Variants in GDE1 observed in about 807,000 individuals in gnomAD.
The protein encoded by GDE1 is glycerophosphodiester phosphodiesterase 1.
GDE1 carries 24 observed loss-of-function variants against 32.2 expected under a neutral mutation model. The ratio of observed to expected loss-of-function variants is 0.75; its 90% CI spans 0.54 to 1.05. The LOEUF (loss-of-function observed/expected upper bound fraction) is 1.05. Ranked by LOEUF, GDE1 falls within the 50% of genes least tolerant of loss-of-function variation. GDE1 has a pLI of 0.00. For missense variants in GDE1, 380 were observed against 415.0 expected, an observed-to-expected ratio of 0.92 and a Z score of 0.73; for synonymous variants, 159 against 158.6, an observed-to-expected ratio of 1.00 and a Z score of -0.02.
rs545477223 is a variant in GDE1, at chr16:19,517,522, A to T, written c.262-333T>A. Among the ~76,000 whole-genome samples, 8 of 152,354 alleles carry T rather than the reference A, an allele frequency of 5.3e-5. No individual in the cohort carries two copies. The East Asian group carries it at 1.5e-3, about 29-fold the overall frequency. ...GGCTTATGAATACTTAGACAATTCC[A>T]CTGTTTACCTACACTATTTGTTGGT... On this transcript the variant is annotated intron_variant, in intron 1 of 5. Coordinates refer to ENST00000353258, the MANE Select transcript of GDE1 (RefSeq NM_016641.4).
At chr16:19,514,894 C>T (rs11860735) in intron 2 of GDE1, among the ~76,000 whole-genome samples, 20,693 of 151,768 alleles carry the variant, frequency 0.14, 2,000 homozygotes, top group East Asian at 0.39. Context: ...TGGCGAAACC[C>T]CGTTTCTACT....
At chr16:19,509,188 G>C (rs1042479684) in intron 3 of GDE1, among the ~76,000 whole-genome samples, 5 of 152,162 alleles carry the variant, frequency 3.3e-5, no homozygotes. Context: ...TCTAATCTCA[G>C]CTGCTTGGGA....
At chr16:19,511,356 G>A (rs1321449706) in intron 2 of GDE1, among the ~76,000 whole-genome samples, 1 of 151,990 alleles carries the variant, frequency 6.6e-6, no homozygotes, top group African/African-American at 2.4e-5. Context: ...TACCTGCCTT[G>A]GCCTCCCAAA....
At chr16:19,519,493 G>T (rs1390230534) in intron 1 of GDE1, among the ~76,000 whole-genome samples, 3 of 149,940 alleles carry the variant, frequency 2.0e-5, no homozygotes, top group Non-Finnish European at 4.4e-5. Flanking sequence ...ATACTTAATA[G>T]ATTACAATAT....
In GDE1 at chr16:19,505,041, T is replaced by C. The variant is rs1315413218; in HGVS notation, c.688A>G (p.Ser230Gly). Residue 230 changes from serine to glycine, a missense_variant, in exon 5 of 6, where the codon AGC (serine) becomes GGC (glycine). Ser to Gly is a moderately conservative substitution (Grantham distance 56). Coordinates refer to ENST00000353258, the MANE Select transcript of GDE1 (RefSeq NM_016641.4). ...VITALTHRPW[S>G]LSHTGDGKPR... ...TTCCCATCTCCTGTATGGCTTAGGC[T>C]CCAAGGTCTGTGAGTTAATGCTGTT... 6 of 1,613,388 alleles carry C rather than the reference T, an allele frequency of 3.7e-6. No individual in the cohort carries two copies. Among genetic ancestry groups the C allele is most frequent in the Non-Finnish European group, 5.1e-6 (6 of 1,179,278 alleles).
intron 1 of GDE1, 65 bp from the exon 2 acceptor site, chr16:19,517,254 C>T: frequency 7.8e-7 from 1 of 1,280,942 alleles, no homozygotes; most frequent in Admixed American, 1.8e-5. Flanking sequence ...ATCTAACCAC[C>T]CAAAAGACCA....
At chr16:19,517,660 C>T (rs1474295781) in intron 1 of GDE1, among the ~76,000 whole-genome samples, 1 of 152,194 alleles carries the variant, frequency 6.6e-6, no homozygotes, top group Non-Finnish European at 1.5e-5. Flanking sequence ...CACAAAGACA[C>T]CACGCCTGCT....
chr16:19,512,000 G>A (rs1316921516), intron 2 of GDE1, among the ~76,000 whole-genome samples: 1 of 152,056 alleles, frequency 6.6e-6, no homozygotes, highest in Admixed American at 6.5e-5. Context: ...CTGTATCTTG[G>A]CTATTGTGAA....
intron 2 of GDE1, among the ~76,000 whole-genome samples, chr16:19,512,343 GT>G (rs1195668977): frequency 1.3e-5 from 2 of 151,770 alleles, no homozygotes; most frequent in Admixed American, 1.3e-4. Flanking sequence ...TCATATGCCT[GT>G]TGGCCATTTG....
At chr16:19,513,745 C>A (rs1191153919) in intron 2 of GDE1, among the ~76,000 whole-genome samples, 1 of 152,184 alleles carries the variant, frequency 6.6e-6, no homozygotes, top group Non-Finnish European at 1.5e-5. Context: ...CTGAAAGTAT[C>A]CAGTAAGTAC....
At chr16:19,519,288 A>T (rs928648381) in intron 1 of GDE1, among the ~76,000 whole-genome samples, 44 of 152,148 alleles carry the variant, frequency 2.9e-4, no homozygotes, top group African/African-American at 1.0e-3. Context: ...ACAGGGAAAG[A>T]TTCCAGTCCT....
intron 3 of GDE1, among the ~76,000 whole-genome samples, chr16:19,509,661 G>GTTT (rs11328002): frequency 7.2e-6 from 1 of 138,718 alleles, no homozygotes. Context: ...CACATTTCAG[G>GTTT]TTTTTTTTTT....
chr16:19,515,238 C>T (rs370042169), intron 2 of GDE1, among the ~76,000 whole-genome samples: 70 of 152,154 alleles, frequency 4.6e-4, no homozygotes, highest in African/African-American at 1.6e-3. Context: ...CATCTCATCA[C>T]ACTGAGCATA....
intron 3 of GDE1, 145 bp downstream of exon 3, chr16:19,510,694 C>G (rs944113323): frequency 6.9e-6 from 3 of 433,900 alleles, no homozygotes; most frequent in African/African-American, 6.1e-5. Flanking sequence ...TAGATTCCTG[C>G]ATTGTACACT....
intron 4 of GDE1, among the ~76,000 whole-genome samples, chr16:19,505,504 A>G (rs1969235356): frequency 6.6e-6 from 1 of 152,058 alleles, no homozygotes; most frequent in Non-Finnish European, 1.5e-5. Flanking sequence ...CCCTTTCCAG[A>G]GCAAATGGCT....
rs1969358240 is a variant in GDE1, at chr16:19,514,647, TAAAG to T, written c.437+2363_437+2366del. Among the ~76,000 whole-genome samples, 5 of 152,184 alleles carry T rather than the reference TAAAG, an allele frequency of 3.3e-5. No individual in the cohort carries two copies. The South Asian group carries it at 1.0e-3, about 31-fold the overall frequency. On this transcript the variant is annotated intron_variant, in intron 2 of 5. Coordinates refer to ENST00000353258, the MANE Select transcript of GDE1 (RefSeq NM_016641.4). The stretch of plus-strand genomic sequence containing the variant: ...AATGTTCTAAGACATAATTTTCTGA[TAAAG>T]AAAATGAAAACTAAGTGCTTGATAC...
At chr16:19,521,410 C>A in intron 1 of GDE1, 1 of 414,482 alleles carries the variant, frequency 2.4e-6, no homozygotes, top group Non-Finnish European at 4.4e-6. Context: ...GCTTGCCTCC[C>A]CCATTCCGAT....
At chr16:19,517,242 G>T in intron 1 of GDE1, 53 bp from the exon 2 acceptor site, 2 of 1,426,176 alleles carry the variant, frequency 1.4e-6, no homozygotes, top group Non-Finnish European at 2.0e-6. Context: ...ACATTATTTT[G>T]CATCTAACCA....
chr16:19,510,330 T>C (rs1969301715), intron 3 of GDE1, among the ~76,000 whole-genome samples: 1 of 152,206 alleles, frequency 6.6e-6, no homozygotes, highest in Non-Finnish European at 1.5e-5. Context: ...ATAAGGGATA[T>C]AAATTATACA....
Sources: allele counts gnomAD v4.1 joint callset (sites outside exome capture counted in the v4.1 genomes callset), GRCh38; gene constraint gnomAD v4.1.1; transcripts MANE v1.5; gene names NCBI Gene and HGNC (gene_info 2026-07-23, HGNC 2026-07-21).